ETV5: variants seen among roughly 807,000 people sequenced by gnomAD.
ETV5 encodes the protein ETS translocation variant 5.
A neutral mutation model predicts 70.0 loss-of-function variants in ETV5; 10 were observed. The ratio of observed to expected loss-of-function variants is 0.14; its 90% CI spans 0.09 to 0.24. The LOEUF (loss-of-function observed/expected upper bound fraction) is 0.24. Among genes scored for constraint, ETV5 ranks in the 10% least tolerant of loss-of-function variants. ETV5 has a pLI of 1.00. For synonymous variants in ETV5, 216 were observed against 242.2 expected (o/e 0.89, Z 1.01); for missense variants, 453 against 651.2 (o/e 0.70, Z 3.31).
chr3:186,105,079 A>G lies in ETV5; in HGVS notation c.232+226T>C, dbSNP rs1007300033. On this transcript the variant is annotated intron_variant, in intron 5 of 12. Transcript: ENST00000306376. This position sits in a 1 kb window ranked among gnomAD's most constrained non-coding sequence, Gnocchi z 4.5. ...TTCTTAAGGTAAAAAGAAATTTAGG[A>G]TAAAATTATGTTCAGTAAATCTTAC... 3.4e-5 allele frequency: 15 copies of G among 439,172 alleles called. No homozygotes were observed. Among genetic ancestry groups the G allele is most frequent in the African/African-American group, 2.9e-4 (14 of 48,586 alleles). The allele number at this position is 439,172 out of a possible 1,614,324, so 27.2% of individuals were successfully genotyped here. A position where few individuals can be genotyped will look rare whatever the true frequency, so the allele number is the denominator to read the frequency against.
Position 186,079,876 on chromosome 3 carries a change from T to C in ETV5, c.591A>G (p.Pro197=), listed in dbSNP as rs764497902. 6.4e-7 allele frequency: 1 copy of C among 1,569,892 alleles called. No individual in the cohort carries two copies. Among genetic ancestry groups the C allele is most frequent in the African/African-American group, 1.5e-5 (1 of 67,906 alleles). The change falls in exon 7 of 13, where the codon CCA becomes CCG. Residue 197 remains proline (P), a synonymous_variant. Transcript: ENST00000306376. Reference sequence around the variant, plus strand: ...TCTTTGGCATCTGCAGGGGCTGATGTGGTGGTCGGGGGACCGCAAATGTTT... The same window carrying C: ...TCTTTGGCATCTGCAGGGGCTGATGCGGTGGTCGGGGGACCGCAAATGTTT... The part of the protein sequence containing the change: ...QQQTFAVPRP[P]HQPLQMPKMM...
chr3:186,051,982 T>C (rs747904887), intron 12 of ETV5, 48 bp downstream of exon 12: 2 of 1,586,830 alleles, frequency 1.3e-6, no homozygotes, highest in East Asian at 2.2e-5. Flanking sequence ...CTGGACTTTT[T>C]CCTTAAAAGA....
At chr3:186,088,314 G>A (rs1044146668) in intron 5 of ETV5, among the ~76,000 whole-genome samples, 2 of 152,222 alleles carry the variant, frequency 1.3e-5, no homozygotes, top group Non-Finnish European at 2.9e-5. Context: ...AGCTCAGGGG[G>A]CTGGCCTAGG....
intron 5 of ETV5, among the ~76,000 whole-genome samples, chr3:186,098,837 T>C (rs902212829): frequency 6.6e-6 from 1 of 152,198 alleles, no homozygotes; most frequent in African/African-American, 2.4e-5. Context: ...TTCAAATGTC[T>C]TATGTATGCT....
intron 9 of ETV5, among the ~76,000 whole-genome samples, chr3:186,062,189 A>ATGT (rs1713320709): frequency 6.6e-6 from 1 of 152,234 alleles, no homozygotes; most frequent in African/African-American, 2.4e-5. Context: ...TCATAGTGTA[A>ATGT]TGTTGGGTGC....
chr3:186,083,574 G>A (rs1713983658), intron 5 of ETV5, among the ~76,000 whole-genome samples: 1 of 152,120 alleles, frequency 6.6e-6, no homozygotes, highest in African/African-American at 2.4e-5. Context: ...CTGATGTCTT[G>A]ATTTCTTCAA....
Position 186,081,322 on chromosome 3 carries a change from A to G in ETV5, c.233-147T>C. On this transcript the variant is annotated intron_variant, in intron 5 of 12. Coordinates refer to ENST00000306376, the MANE Select transcript of ETV5 (RefSeq NM_004454.3). ...CATGTCAGAAAAAGCAAAACGCTTAAACACACAACCTCCCATCCAAAGCCA... is the reference window on the plus strand; with the variant it reads ...CATGTCAGAAAAAGCAAAACGCTTAGACACACAACCTCCCATCCAAAGCCA... The G allele has an allele frequency of 4.6e-6, 3 of 655,276 alleles. No individual in the cohort carries two copies. In the South Asian group the frequency reaches 8.5e-5, roughly 19 times the overall value. 40.6% of individuals were successfully genotyped at this position (655,276 alleles called of 1,614,324 possible).
In ETV5 at chr3:186,052,187, C is replaced by A. The variant is rs1403970486; in HGVS notation, c.1210-56G>T. 7.8e-6 allele frequency: 12 copies of A among 1,538,020 alleles called. No individual in the cohort carries two copies. Among genetic ancestry groups the A allele is most frequent in the Admixed American group, 3.4e-5 (2 of 59,582 alleles). ...AAACGCATTCCCTGGGCCCCATGTT[C>A]TCTCCCAATCCCAGCAGAGCCAGTT... On this transcript the variant is annotated intron_variant, in intron 11 of 12. Coordinates refer to ENST00000306376, the MANE Select transcript of ETV5 (RefSeq NM_004454.3). This position sits in a 1 kb window ranked among gnomAD's most constrained non-coding sequence, Gnocchi z 4.5.
At chr3:186,107,816 T>G (rs1714626972) in intron 1 of ETV5, among the ~76,000 whole-genome samples, 1 of 151,782 alleles carries the variant, frequency 6.6e-6, no homozygotes, top group South Asian at 2.1e-4. Flanking sequence ...TGTAACTGGA[T>G]CTCTAGCGCT....
chr3:186,092,456 T>C lies in ETV5; in HGVS notation c.233-11281A>G, dbSNP rs368625873. Among the ~76,000 whole-genome samples the C allele has an allele frequency of 2.5e-4, 38 of 152,294 alleles. 1 individual carries two copies. Among genetic ancestry groups the C allele is most frequent in the African/African-American group, 7.9e-4 (33 of 41,576 alleles). Reference sequence around the variant, plus strand: ...CTCTTTTTGTTTGTTTTTTTAGAGATAGGGTCTTGCTCTGTGACCCAGGCT... The same window carrying C: ...CTCTTTTTGTTTGTTTTTTTAGAGACAGGGTCTTGCTCTGTGACCCAGGCT... On this transcript the variant is annotated intron_variant, in intron 5 of 12. Transcript: ENST00000306376.
chr3:186,084,985 C>A (rs1714023948), intron 5 of ETV5, among the ~76,000 whole-genome samples: 2 of 152,192 alleles, frequency 1.3e-5, no homozygotes, highest in African/African-American at 4.8e-5. Context: ...GCCAGCCAGA[C>A]CCCTTACCAT....
At position 186,048,657 on chromosome 3, in the gene ETV5, G is replaced by A. The variant is rs753650055; in HGVS notation, c.1515C>T (p.Ala505=). ...CAGAAACTTAGTAAGCAAAGCCTTC[G>A]GCATAGGGGAGGCTGCTGCAGCGGT... is the stretch of plus-strand genomic sequence containing the variant. ...DMDRCSSLPY[A]EGFAY is the part of the protein sequence containing the mutation. The change falls in exon 13 of 13, where the codon GCC becomes GCT. Residue 505 remains alanine, a synonymous_variant. Coordinates refer to ENST00000306376, the MANE Select transcript of ETV5 (RefSeq NM_004454.3). 1.5e-5 allele frequency: 25 copies of A among 1,614,000 alleles called. No individual in the cohort carries two copies. Among genetic ancestry groups the A allele is most frequent in the Middle Eastern group, 1.6e-4 (1 of 6,084 alleles).
At chr3:186,067,211 G>A (rs1560047974) in intron 7 of ETV5, among the ~76,000 whole-genome samples, 1 of 152,198 alleles carries the variant, frequency 6.6e-6, no homozygotes, top group Non-Finnish European at 1.5e-5. Flanking sequence ...AATGCGGGGG[G>A]ATCACGAGGT....
At chr3:186,056,707 G>C (rs1441009831) in intron 11 of ETV5, among the ~76,000 whole-genome samples, 1 of 152,228 alleles carries the variant, frequency 6.6e-6, no homozygotes, top group Non-Finnish European at 1.5e-5. Context: ...TAGACTCAGA[G>C]ATAGACTATG....
intron 9 of ETV5, among the ~76,000 whole-genome samples, chr3:186,063,139 G>A (rs535936797): frequency 1.3e-4 from 19 of 151,972 alleles, no homozygotes; most frequent in Admixed American, 2.6e-4. Flanking sequence ...GCGTGGTGGC[G>A]GGCGCCTGTA....
intron 12 of ETV5, among the ~76,000 whole-genome samples, chr3:186,050,906 C>T (rs1713012129): frequency 6.6e-6 from 1 of 152,172 alleles, no homozygotes; most frequent in African/African-American, 2.4e-5. Flanking sequence ...TGTTCTAGGT[C>T]TTAAGTAGGA....
At chr3:186,078,084 G>T (rs766497568) in intron 7 of ETV5, 1 of 1,052,570 alleles carries the variant, frequency 9.5e-7, no homozygotes, top group East Asian at 5.4e-5. Flanking sequence ...CTTCTCAGGG[G>T]GCTGGGTGGA....
At chr3:186,073,361 G>A (rs992949194) in intron 7 of ETV5, among the ~76,000 whole-genome samples, 1 of 152,142 alleles carries the variant, frequency 6.6e-6, no homozygotes, top group Non-Finnish European at 1.5e-5. Context: ...CTGTCCAAGC[G>A]TGATTTTATT....
chr3:186,049,812 C>T (rs185750510), intron 12 of ETV5, among the ~76,000 whole-genome samples: 1 of 152,248 alleles, frequency 6.6e-6, no homozygotes, highest in Admixed American at 6.5e-5. Flanking sequence ...TACCTTAAAG[C>T]CCAACCCCAA....
Sources: gnomAD v4.1 joint callset for allele counts (sites outside exome capture counted in the v4.1 genomes callset) on GRCh38, gnomAD v4.1.1 for gene constraint, Gnocchi (gnomAD v3.1) non-coding constraint, MANE v1.5 for transcripts, NCBI Gene and HGNC (gene_info 2026-07-23, HGNC 2026-07-21) for gene names.